The following PDE1A variants were observed in gnomAD, a reference collection of about 807,000 sequenced individuals.
PDE1A encodes phosphodiesterase 1A.
Under a neutral mutation model 61.7 loss-of-function variants are expected in PDE1A, and 35 were observed. The ratio of observed to expected loss-of-function variants is 0.57; its 90% CI spans 0.43 to 0.75. The LOEUF (loss-of-function observed/expected upper bound fraction) is 0.75. Ranked by LOEUF, PDE1A falls within the 30% of genes least tolerant of loss-of-function variation. The pLI is 0.00. For synonymous variants in PDE1A, 232 were observed against 213.2 expected (o/e 1.09, Z -0.77); for missense variants, 597 against 630.6 (o/e 0.95, Z 0.57).
the PDE1A span, among the ~76,000 whole-genome samples, chr2:182,713,217 A>T: frequency 6.6e-6 from 1 of 152,156 alleles, no homozygotes; most frequent in East Asian, 1.9e-4. Flanking sequence ...TCACAACATC[A>T]CAACACTATG....
the PDE1A span, among the ~76,000 whole-genome samples, chr2:182,698,249 G>T: frequency 2.0e-5 from 3 of 152,106 alleles, no homozygotes; most frequent in Non-Finnish European, 2.9e-5. Flanking sequence ...TTTATTAGGA[G>T]AAAGTGGTTC....
chr2:182,525,187 T>C (rs1055969662), upstream of PDE1A, among the ~76,000 whole-genome samples: 14 of 152,304 alleles, frequency 9.2e-5, no homozygotes, highest in Admixed American at 3.3e-4. Context: ...ATCTGGCACA[T>C]AATAATTGCT....
the PDE1A span, among the ~76,000 whole-genome samples, chr2:182,711,033 C>T: frequency 1.2e-4 from 19 of 152,238 alleles, no homozygotes; most frequent in African/African-American, 4.6e-4. Context: ...ATAATTAATA[C>T]CAAAGCCATG....
At chr2:182,527,316 AAAAAAAAAAAAATATAT>A (rs1559543335), upstream of PDE1A, among the ~76,000 whole-genome samples, 1 of 52,472 alleles carries the variant, frequency 1.9e-5, no homozygotes, top group Non-Finnish European at 3.4e-5. Flanking sequence ...AAAAAAAAAA[AAAAAAAAAAAAATATAT>A]ATATATATAT....
intron 1 of PDE1A, among the ~76,000 whole-genome samples, chr2:182,412,458 C>T (rs1488147993): frequency 6.6e-6 from 1 of 152,176 alleles, no homozygotes; most frequent in Non-Finnish European, 1.5e-5. Flanking sequence ...GTTTCTTTAT[C>T]CATAATATGG....
chr2:182,591,907 C>T, the PDE1A span, among the ~76,000 whole-genome samples: 1 of 152,192 alleles, frequency 6.6e-6, no homozygotes. Flanking sequence ...TTGCTTACAA[C>T]ATAATTAGGA....
chr2:182,401,704 G>C (rs1023129141), intron 1 of PDE1A, among the ~76,000 whole-genome samples: 1 of 152,114 alleles, frequency 6.6e-6, no homozygotes, highest in Non-Finnish European at 1.5e-5. Flanking sequence ...AGAAATAAAG[G>C]GTATTCAAAT....
At chr2:182,211,061 GC>G (rs1687551486) in intron 7 of PDE1A, among the ~76,000 whole-genome samples, 1 of 152,120 alleles carries the variant, frequency 6.6e-6, no homozygotes, top group South Asian at 2.1e-4. Flanking sequence ...TCTCTGGCAA[GC>G]CCCATTTTAT....
chr2:182,512,253 G>A (rs2125956323), intron 2 of PDE1A, among the ~76,000 whole-genome samples: 1 of 152,226 alleles, frequency 6.6e-6, no homozygotes, highest in South Asian at 2.1e-4. Context: ...AGTGCAGCAG[G>A]TGCTTAACCT....
At chr2:182,385,195 G>A (rs2125338155) in intron 1 of PDE1A, among the ~76,000 whole-genome samples, 1 of 152,326 alleles carries the variant, frequency 6.6e-6, no homozygotes, top group East Asian at 1.9e-4. Context: ...AGAAAAGGAT[G>A]CTAATGTGTA....
chr2:182,193,743 A>C (rs1440499993), intron 10 of PDE1A, among the ~76,000 whole-genome samples: 1 of 152,282 alleles, frequency 6.6e-6, no homozygotes, highest in South Asian at 2.1e-4. Context: ...GAATGTTATA[A>C]ATATTTTATG....
chr2:182,689,536 G>A, the PDE1A span, among the ~76,000 whole-genome samples: 1 of 152,122 alleles, frequency 6.6e-6, no homozygotes. Context: ...GCAGTGTGTA[G>A]AGGGAAATTT....
At chr2:182,150,741 C>G (rs1375687747) in intron 13 of PDE1A, among the ~76,000 whole-genome samples, 1 of 152,140 alleles carries the variant, frequency 6.6e-6, no homozygotes, top group Non-Finnish European at 1.5e-5. Flanking sequence ...ATAGGAGAGA[C>G]AGACTTACCA....
intron 2 of PDE1A, 56 bp downstream of exon 2, chr2:182,264,245 G>A: frequency 8.4e-7 from 1 of 1,195,702 alleles, no homozygotes; most frequent in Non-Finnish European, 1.2e-6. Flanking sequence ...TCAAGAAAGA[G>A]GAAGAAAAAC....
chr2:182,550,396 CT>C, the PDE1A span, among the ~76,000 whole-genome samples: 1 of 152,148 alleles, frequency 6.6e-6, no homozygotes, highest in Non-Finnish European at 1.5e-5. Context: ...AAATCATGCT[CT>C]GGGCAACTAT....
the PDE1A span, among the ~76,000 whole-genome samples, chr2:182,533,235 C>T: frequency 6.6e-6 from 1 of 152,048 alleles, no homozygotes; most frequent in South Asian, 2.1e-4. Flanking sequence ...CACCTGAACC[C>T]GTGGGGTGGA....
At chr2:182,598,202 C>CT in the PDE1A span, among the ~76,000 whole-genome samples, 2 of 152,178 alleles carry the variant, frequency 1.3e-5, no homozygotes, top group African/African-American at 2.4e-5. Context: ...AACCCTTAAT[C>CT]TTTTTTCCAG....
chr2:182,612,670 T>C, the PDE1A span, among the ~76,000 whole-genome samples: 4 of 152,322 alleles, frequency 2.6e-5, no homozygotes, highest in Non-Finnish European at 2.9e-5. Context: ...TTCTTTTTCA[T>C]TGGGGCCTCT....
At chr2:182,526,726 A>G (rs1436833550), upstream of PDE1A, among the ~76,000 whole-genome samples, 1 of 152,224 alleles carries the variant, frequency 6.6e-6, no homozygotes, top group Non-Finnish European at 1.5e-5. Context: ...AGAATAAGGA[A>G]AGCAAATTTC....
Sources: gnomAD v4.1 joint callset for allele counts (sites outside exome capture counted in the v4.1 genomes callset) on GRCh38, gnomAD v4.1.1 for gene constraint, MANE v1.5 for transcripts, NCBI Gene and HGNC (gene_info 2026-07-23, HGNC 2026-07-21) for gene names.